STX7: variants seen among roughly 807,000 people sequenced by gnomAD.
STX7 encodes syntaxin 7.
In STX7, 34 loss-of-function variants were observed where a neutral mutation model predicts 39.6. The ratio of observed to expected loss-of-function variants is 0.86; its 90% CI spans 0.65 to 1.14. The LOEUF (loss-of-function observed/expected upper bound fraction) is 1.14. STX7 is among the 50% of genes most tolerant of loss of function. The pLI, the probability that STX7 is intolerant of heterozygous loss-of-function variation, is 0.00. For synonymous variants in STX7, 119 were observed against 99.1 expected (o/e 1.20, Z -1.19); for missense variants, 284 against 310.4 (o/e 0.92, Z 0.64).
rs112217224 is a variant in STX7, at chr6:132,502,897, T to G, written c.85+549A>C. Among the ~76,000 whole-genome samples the G allele has an allele frequency of 2.1e-5, 3 of 143,596 alleles. No homozygotes were observed. The South Asian group carries it at 6.6e-4, about 32-fold the overall frequency. 94.2% of individuals were successfully genotyped at this position (143,596 alleles called of 152,430 possible). A position where few individuals can be genotyped will look rare whatever the true frequency, so the allele number is the denominator to read the frequency against. On this transcript the variant is annotated intron_variant, in intron 2 of 9. Transcript: ENST00000367941. The stretch of plus-strand genomic sequence containing the variant: ...CTGGGCGACAGAGTGAGGCTGTCTC[T>G]AAAAAAAAAAAAGAATATGTGGGGA...
At chr6:132,472,581 C>G (rs1388975489) in intron 3 of STX7, among the ~76,000 whole-genome samples, 4 of 152,186 alleles carry the variant, frequency 2.6e-5, no homozygotes, top group African/African-American at 9.7e-5. Flanking sequence ...TCTTCACTCA[C>G]ACAGGGTAGG....
At chr6:132,462,808 G>A (rs1021604614) in intron 9 of STX7, among the ~76,000 whole-genome samples, 2 of 152,128 alleles carry the variant, frequency 1.3e-5, no homozygotes, top group Non-Finnish European at 2.9e-5. Context: ...CACTGAATAT[G>A]CAGTAATTTG....
rs189305663 is a variant in STX7, at chr6:132,461,333, G to A, written c.694-483C>T. ...TCTTTTCTTTTTTTTTTGAGATGGA[G>A]TCTTGCTCTGTCACCCAGGCTGGAG... On this transcript the variant is annotated intron_variant, in intron 9 of 9. Coordinates refer to ENST00000367941, the MANE Select transcript of STX7 (RefSeq NM_003569.3). Among the ~76,000 whole-genome samples, 254 of 151,926 alleles carry A rather than the reference G, an allele frequency of 1.7e-3. 1 individual carries two copies. Among genetic ancestry groups the A allele is most frequent in the Middle Eastern group, 0.01 (3 of 294 alleles).
chr6:132,508,017 T>C (rs1248808779), intron 1 of STX7, among the ~76,000 whole-genome samples: 2 of 152,222 alleles, frequency 1.3e-5, no homozygotes, highest in Non-Finnish European at 2.9e-5. Flanking sequence ...TGGAAATTTC[T>C]ACTTTGGGCA....
intron 2 of STX7, among the ~76,000 whole-genome samples, chr6:132,492,175 A>C (rs747433313): frequency 6.6e-6 from 1 of 152,044 alleles, no homozygotes; most frequent in Non-Finnish European, 1.5e-5. Flanking sequence ...CTGAGGGCCC[A>C]TGGACATGCT....
At chr6:132,475,456 G>T in intron 3 of STX7, 137 bp downstream of exon 3, 1 of 504,050 alleles carries the variant, frequency 2.0e-6, no homozygotes, top group Non-Finnish European at 3.3e-6. Flanking sequence ...CAAATGTATG[G>T]ATAAGGTAGC....
At chr6:132,487,180 C>T (rs181261788) in intron 2 of STX7, among the ~76,000 whole-genome samples, 7 of 152,242 alleles carry the variant, frequency 4.6e-5, no homozygotes, top group Admixed American at 1.3e-4. Flanking sequence ...AGGCAGGTTA[C>T]TGACTTCTTT....
chr6:132,460,797 A>T lies in STX7; in HGVS notation c.747T>A (p.Val249=). ...CCCATATGATGAGACTGATAATCGCAACTCCAATGACAAGGATAAGAATGA... is the reference window on the plus strand; with the variant it reads ...CCCATATGATGAGACTGATAATCGCTACTCCAATGACAAGGATAAGAATGA... ...CIIILILVIG[V]AIISLIIWGL... is the part of the protein sequence containing the mutation. The change falls in exon 10 of 10, where the codon GTT becomes GTA. Residue 249 remains valine (V), a synonymous_variant. Transcript: ENST00000367941. 6.2e-7 allele frequency: 1 copy of T among 1,613,762 alleles called. No individual in the cohort carries two copies. The highest frequency in any genetic ancestry group is 8.5e-7 in the Non-Finnish European group (1 of 1,179,834).
chr6:132,491,088 G>A (rs1336223764), intron 2 of STX7, among the ~76,000 whole-genome samples: 1 of 151,268 alleles, frequency 6.6e-6, no homozygotes, highest in East Asian at 1.9e-4. Context: ...GGAATCTCCT[G>A]CCAGGAAAAT....
At chr6:132,466,192 T>G (rs985263441) in intron 8 of STX7, among the ~76,000 whole-genome samples, 1 of 152,206 alleles carries the variant, frequency 6.6e-6, no homozygotes, top group African/African-American at 2.4e-5. Flanking sequence ...TACACACTGT[T>G]AAATCCAGTA....
At position 132,454,751 on chromosome 6, in the gene STX7, T is replaced by C. The variant is rs192991837; in HGVS notation, c.*6007A>G. The stretch of plus-strand genomic sequence containing the variant: ...GGTAGCCCTAATTTTGAACAAAAAA[T>C]GTTTGTTTATTGCCTCCAAGATAGA... On this transcript the variant is annotated 3_prime_UTR_variant, in exon 10 of 10. Transcript: ENST00000367941. 2 of 152,238 alleles carry C rather than the reference T, an allele frequency of 1.3e-5. No individual in the cohort carries two copies. Among genetic ancestry groups the C allele is most frequent in the African/African-American group, 2.4e-5 (1 of 41,536 alleles). 9.4% of individuals were successfully genotyped at this position (152,238 alleles called of 1,614,324 possible).
chr6:132,461,501 G>A (rs895858705), intron 9 of STX7, among the ~76,000 whole-genome samples: 10 of 151,678 alleles, frequency 6.6e-5, no homozygotes, highest in African/African-American at 1.9e-4. Context: ...TAGTAGAGAC[G>A]GAGTTTCACC....
chr6:132,474,190 T>C (rs1167061679), intron 3 of STX7, among the ~76,000 whole-genome samples: 2 of 127,040 alleles, frequency 1.6e-5, no homozygotes, highest in African/African-American at 6.1e-5. Flanking sequence ...ATAATGTCAC[T>C]GCACTCCAGC....
intron 2 of STX7, among the ~76,000 whole-genome samples, chr6:132,499,912 G>A (rs532011651): frequency 2.0e-5 from 3 of 152,140 alleles, no homozygotes; most frequent in Admixed American, 1.3e-4. Context: ...AGTCCCTCCC[G>A]TTTCAGTACA....
chr6:132,460,830 C>T lies in STX7; in HGVS notation c.714G>A (p.Leu238=), dbSNP rs1197392886. The T allele has an allele frequency of 4.3e-6, 7 of 1,613,350 alleles. No homozygotes were observed. Among genetic ancestry groups the T allele is most frequent in the Non-Finnish European group, 5.1e-6 (6 of 1,179,736 alleles). ...ADYQRKSRKT[L]CIIILILVIG... is the part of the protein sequence containing the mutation. ...TGACAAGGATAAGAATGATGATGCA[C>T]AGGGTTTTTCTGGATTTGCGCTGCA... Residue 238 remains leucine (L), a synonymous_variant, in exon 10 of 10, where the codon CTG becomes CTA. Coordinates refer to ENST00000367941, the MANE Select transcript of STX7 (RefSeq NM_003569.3).
chr6:132,499,731 C>T (rs748959126), intron 2 of STX7, among the ~76,000 whole-genome samples: 7 of 152,156 alleles, frequency 4.6e-5, no homozygotes, highest in South Asian at 4.1e-4. Context: ...CTCACTCTTA[C>T]GTGATTACTT....
chr6:132,495,101 A>G (rs1270087837), intron 2 of STX7, among the ~76,000 whole-genome samples: 1 of 152,192 alleles, frequency 6.6e-6, no homozygotes, highest in Non-Finnish European at 1.5e-5. Context: ...GGGCAGAAGC[A>G]TATGTATGGT....
At chr6:132,510,691 A>G (rs1188499752) in intron 1 of STX7, among the ~76,000 whole-genome samples, 1 of 152,228 alleles carries the variant, frequency 6.6e-6, no homozygotes, top group Non-Finnish European at 1.5e-5. Context: ...ATTATCACAG[A>G]AAGATCTATT....
chr6:132,460,618 A>G lies in STX7; in HGVS notation c.*140T>C. 3.5e-6 allele frequency: 2 copies of G among 566,860 alleles called. No individual in the cohort carries two copies. The highest frequency in any genetic ancestry group is 6.5e-5 in the East Asian group (2 of 30,816). 35.1% of individuals were successfully genotyped at this position (566,860 alleles called of 1,614,324 possible). A position where few individuals can be genotyped will look rare whatever the true frequency, so the allele number is the denominator to read the frequency against. On this transcript the variant is annotated 3_prime_UTR_variant, in exon 10 of 10. Coordinates refer to ENST00000367941, the MANE Select transcript of STX7 (RefSeq NM_003569.3). ...AGATTTAATCCAAAGGAACCACCCC[A>G]ACCCCCCCAATAAAAATAACAAAGT...
Sources: gnomAD v4.1 joint callset for allele counts (sites outside exome capture counted in the v4.1 genomes callset) on GRCh38, gnomAD v4.1.1 for gene constraint, MANE v1.5 for transcripts, NCBI Gene and HGNC (gene_info 2026-07-23, HGNC 2026-07-21) for gene names.